KDM3B: variants seen among roughly 807,000 people sequenced by gnomAD.
KDM3B encodes the protein lysine-specific demethylase 3B.
In KDM3B, 10 loss-of-function variants were observed where a neutral mutation model predicts 170.0. The ratio of observed to expected loss-of-function variants is 0.06; its 90% CI spans 0.04 to 0.10. The LOEUF (loss-of-function observed/expected upper bound fraction) is 0.10. KDM3B is among the 10% of genes least tolerant of loss of function. The pLI, the probability that KDM3B is intolerant of heterozygous loss-of-function variation, is 1.00. For missense variants in KDM3B, 1,394 were observed against 2,195.2 expected (o/e 0.64, Z 7.29); for synonymous variants, 831 against 834.8 (o/e 1.00, Z 0.08).
At chr5:138,380,792 C>G (rs892425227) in intron 5 of KDM3B, among the ~76,000 whole-genome samples, 4 of 151,380 alleles carry the variant, frequency 2.6e-5, no homozygotes, top group African/African-American at 9.7e-5. Flanking sequence ...AGGCTGGTCT[C>G]GAACTCCTGG....
At chr5:138,369,480 A>G (rs1761822226) in intron 1 of KDM3B, among the ~76,000 whole-genome samples, 1 of 152,084 alleles carries the variant, frequency 6.6e-6, no homozygotes, top group Admixed American at 6.5e-5. Context: ...CCGTATACAC[A>G]CACAAAAAAC....
At chr5:138,433,528 C>T (rs1173518355) in intron 23 of KDM3B, among the ~76,000 whole-genome samples, 1 of 152,012 alleles carries the variant, frequency 6.6e-6, no homozygotes, top group African/African-American at 2.4e-5. Context: ...CTGCCTCAGC[C>T]TCCCATGTAG....
intron 1 of KDM3B, among the ~76,000 whole-genome samples, chr5:138,354,968 A>G (rs1482558914): frequency 6.6e-6 from 1 of 152,170 alleles, no homozygotes; most frequent in Non-Finnish European, 1.5e-5. Context: ...AGGTTCTATT[A>G]ATGACAATGA....
At chr5:138,387,896 A>G (rs62380935) in intron 7 of KDM3B, among the ~76,000 whole-genome samples, 22,150 of 152,050 alleles carry the variant, frequency 0.15, 2,142 homozygotes, top group South Asian at 0.26. Flanking sequence ...CCTGGCTAAC[A>G]CGGTGAAACC....
At position 138,419,015 on chromosome 5, in the gene KDM3B, A is replaced by G. The variant is rs777115130; in HGVS notation, c.3498A>G (p.Gly1166=). The G allele has an allele frequency of 1.4e-5, 23 of 1,614,010 alleles. No homozygotes were observed. Among genetic ancestry groups the G allele is most frequent in the Non-Finnish European group, 1.8e-5 (21 of 1,179,990 alleles). The change falls in exon 14 of 24, where the codon GGA becomes GGG. Residue 1166 remains glycine (G), a synonymous_variant. Transcript: ENST00000314358. ...AAACTACCTTCTCTGGTGGAGGAGGACCGGCACCAGTAACAACTCCAGAGC... is the reference window on the plus strand; with the variant it reads ...AAACTACCTTCTCTGGTGGAGGAGGGCCGGCACCAGTAACAACTCCAGAGC... ...GNETTFSGGG[G]PAPVTTPEPD... is the part of the protein sequence containing the mutation.
In KDM3B at chr5:138,420,885, T is replaced by C. The variant is rs1435764453; in HGVS notation, c.3895T>C (p.Ser1299Pro). 1.2e-6 allele frequency: 2 copies of C among 1,614,058 alleles called. No homozygotes were observed. The highest frequency in any genetic ancestry group is 1.7e-6 in the Non-Finnish European group (2 of 1,180,004). Residue 1299 changes from serine (S) to proline (P), a missense_variant, in exon 15 of 24, where the codon TCC (serine) becomes CCC (proline). This residue lies in a region of KDM3B where 137 missense variants were observed against 166.9 expected (regional missense o/e 0.82). Coordinates refer to ENST00000314358, the MANE Select transcript of KDM3B (RefSeq NM_016604.4). ...GTCTAGCCTTCGAGACCTCCTTCAC[T>C]CCGGGCCGGGAAAACTTCCTCAAAC... is the stretch of plus-strand genomic sequence containing the variant. ...EGSSLRDLLHSGPGKLPQTPL... is the reference protein window; with the variant it reads ...EGSSLRDLLHPGPGKLPQTPL...
intron 1 of KDM3B, among the ~76,000 whole-genome samples, chr5:138,358,919 A>G (rs1418779546): frequency 6.7e-6 from 1 of 150,060 alleles, no homozygotes; most frequent in Admixed American, 6.6e-5. Flanking sequence ...CATTAGGTAT[A>G]TCTCCTAAAG....
chr5:138,415,300 A>G (rs1054744684), intron 12 of KDM3B, 61 bp downstream of exon 12: 2 of 1,064,818 alleles, frequency 1.9e-6, no homozygotes, highest in Non-Finnish European at 2.8e-6. Flanking sequence ...ATAGCCATAC[A>G]CCATAAAATT....
At chr5:138,385,051 C>T (rs1171663968) in intron 6 of KDM3B, among the ~76,000 whole-genome samples, 2 of 151,524 alleles carry the variant, frequency 1.3e-5, no homozygotes, top group Non-Finnish European at 2.9e-5. Context: ...TAAGGAGTTT[C>T]CCTCTTGTTG....
chr5:138,379,747 C>G (rs769457693), intron 5 of KDM3B, 39 bp downstream of exon 5: 1 of 1,571,056 alleles, frequency 6.4e-7, no homozygotes, highest in Non-Finnish European at 8.6e-7. Context: ...TCCATCCATC[C>G]CCTTAAAGAG....
intron 1 of KDM3B, among the ~76,000 whole-genome samples, chr5:138,353,958 G>T (rs1015717152): frequency 6.6e-6 from 1 of 152,136 alleles, no homozygotes; most frequent in African/African-American, 2.4e-5. Context: ...AAAATGGTGT[G>T]TGTGCGTGTT....
At chr5:138,357,082 T>C (rs1761468998) in intron 1 of KDM3B, among the ~76,000 whole-genome samples, 1 of 151,488 alleles carries the variant, frequency 6.6e-6, no homozygotes, top group Non-Finnish European at 1.5e-5. Context: ...TGCAGGGGCA[T>C]AATTACAGCT....
intron 7 of KDM3B, among the ~76,000 whole-genome samples, chr5:138,389,821 T>G (rs1762381651): frequency 6.7e-6 from 1 of 148,928 alleles, no homozygotes; most frequent in Non-Finnish European, 1.5e-5. Flanking sequence ...TGTCCCTTTC[T>G]CTTGTCTGTA....
At position 138,431,324 on chromosome 5, in the gene KDM3B, C is replaced by A. The variant is rs951516312; in HGVS notation, c.5071-101C>A. 7.3e-6 allele frequency: 7 copies of A among 953,688 alleles called. No individual in the cohort carries two copies. In the African/African-American group the frequency reaches 8.4e-5, roughly 11 times the overall value. 59.1% of individuals were successfully genotyped at this position (953,688 alleles called of 1,614,324 possible). A position where few individuals can be genotyped will look rare whatever the true frequency, so the allele number is the denominator to read the frequency against. ...TTGTTATAAAAATGGAAATATTATACCTATTTCTCAAGGGTTTTTTTAACT... is the reference window on the plus strand; with the variant it reads ...TTGTTATAAAAATGGAAATATTATAACTATTTCTCAAGGGTTTTTTTAACT... On this transcript the variant is annotated intron_variant, in intron 22 of 23. Coordinates refer to ENST00000314358, the MANE Select transcript of KDM3B (RefSeq NM_016604.4).
In KDM3B at chr5:138,424,356, G is replaced by A; in HGVS notation, c.4239+15G>A. 1 of 1,609,564 alleles carries A rather than the reference G, an allele frequency of 6.2e-7. No homozygotes were observed. Among genetic ancestry groups the A allele is most frequent in the Non-Finnish European group, 8.5e-7 (1 of 1,177,566 alleles). ...AGCAAGGTCAGGTAAGCAAGAATAA[G>A]TCGTTCCAAGGGCCAATTCTCTGCC... On this transcript the variant is annotated intron_variant, in intron 16 of 23. Coordinates refer to ENST00000314358, the MANE Select transcript of KDM3B (RefSeq NM_016604.4).
intron 17 of KDM3B, chr5:138,425,787 C>G: frequency 2.2e-6 from 1 of 453,094 alleles, no homozygotes; most frequent in Non-Finnish European, 3.9e-6. Context: ...GTGTGGATCA[C>G]TTGGGGTCAG....
chr5:138,405,337 C>T (rs1358315717), intron 11 of KDM3B, among the ~76,000 whole-genome samples: 1 of 151,942 alleles, frequency 6.6e-6, no homozygotes, highest in Non-Finnish European at 1.5e-5. Context: ...CACCATGCCC[C>T]GCCACAAATA....
At position 138,420,794 on chromosome 5, in the gene KDM3B, G is replaced by T. The variant is rs751194137; in HGVS notation, c.3804G>T (p.Pro1268=). ...TCAACTCCACTGCAAAGGTCTCTCC[G>T]CTGACTCCAAAGCTTTTTAACAGTC... The part of the protein sequence containing the change: ...DSFNSTAKVS[P]LTPKLFNSLL... The change falls in exon 15 of 24, where the codon CCG becomes CCT. Residue 1268 remains proline (P), a synonymous_variant. Transcript: ENST00000314358. 1.2e-6 allele frequency: 2 copies of T among 1,614,038 alleles called. No individual in the cohort carries two copies. The highest frequency in any genetic ancestry group is 1.7e-6 in the Non-Finnish European group (2 of 1,180,010).
intron 2 of KDM3B, among the ~76,000 whole-genome samples, chr5:138,373,970 CTTTTCT>C (rs1489800463): frequency 1.3e-5 from 2 of 152,012 alleles, no homozygotes; most frequent in Non-Finnish European, 2.9e-5. Flanking sequence ...ACTAAACTGT[CTTTTCT>C]TTTTCTTTTT....
Sources: gnomAD v4.1 joint callset for allele counts (sites outside exome capture counted in the v4.1 genomes callset) on GRCh38, gnomAD v4.1.1 for gene constraint, gnomAD v4.1.1 regional missense constraint, MANE v1.5 for transcripts, NCBI Gene and HGNC (gene_info 2026-07-23, HGNC 2026-07-21) for gene names.